The following TPD52 variants were observed in gnomAD, a reference collection of about 807,000 sequenced individuals.
The protein encoded by TPD52 is tumor protein D52, also known as prostate and colon associated protein.
In TPD52, 17 loss-of-function variants were observed where a neutral mutation model predicts 31.3. That is an observed-to-expected ratio of 0.54 (90% CI 0.37 to 0.82). The LOEUF (loss-of-function observed/expected upper bound fraction) is 0.82, where lower values mean the gene tolerates loss of function less well. Ranked by LOEUF, TPD52 falls within the 40% of genes least tolerant of loss-of-function variation. The pLI is 0.00. For synonymous variants in TPD52, 83 were observed against 89.6 expected (o/e 0.93, Z 0.42); for missense variants, 212 against 240.1 (o/e 0.88, Z 0.77).
At chr8:80,106,433 T>G (rs1022914621) in intron 1 of TPD52, among the ~76,000 whole-genome samples, 3 of 152,174 alleles carry the variant, frequency 2.0e-5, no homozygotes, top group Admixed American at 1.3e-4. Flanking sequence ...CTTGGCTCAC[T>G]GCAGGCTCCG....
chr8:80,054,631 A>G (rs2098899), intron 2 of TPD52, among the ~76,000 whole-genome samples: 86,367 of 151,986 alleles, frequency 0.57, 25,247 homozygotes, highest in East Asian at 0.7. Flanking sequence ...AAAATAACAT[A>G]GAGTATTGCT....
intron 1 of TPD52, among the ~76,000 whole-genome samples, chr8:80,156,003 A>G (rs918059331): frequency 6.6e-6 from 1 of 152,146 alleles, no homozygotes; most frequent in African/African-American, 2.4e-5. Context: ...GTTATCCAAT[A>G]CTGCATAACA....
intron 1 of TPD52, among the ~76,000 whole-genome samples, chr8:80,155,459 G>C (rs953168241): frequency 6.6e-6 from 1 of 152,166 alleles, no homozygotes; most frequent in African/African-American, 2.4e-5. Flanking sequence ...TGGGGTGTGA[G>C]TGCTGGATTT....
intron 1 of TPD52, among the ~76,000 whole-genome samples, chr8:80,106,514 A>G (rs940466916): frequency 7.9e-5 from 12 of 151,634 alleles, no homozygotes; most frequent in African/African-American, 2.9e-4. Flanking sequence ...ACGCCACCAC[A>G]CCCGGCTAAT....
intron 1 of TPD52, among the ~76,000 whole-genome samples, chr8:80,065,383 A>G (rs1013182204): frequency 1.3e-5 from 2 of 152,046 alleles, no homozygotes; most frequent in Admixed American, 1.3e-4. Flanking sequence ...ACAGCCACAC[A>G]GAGACATTCT....
intron 2 of TPD52, among the ~76,000 whole-genome samples, chr8:80,055,142 A>G (rs1471138049): frequency 6.6e-6 from 1 of 152,126 alleles, no homozygotes; most frequent in African/African-American, 2.4e-5. Context: ...CTAAGAATAG[A>G]CTTAAATGGT....
At chr8:80,055,930 T>C (rs1586173299) in intron 2 of TPD52, among the ~76,000 whole-genome samples, 1 of 152,214 alleles carries the variant, frequency 6.6e-6, no homozygotes, top group East Asian at 1.9e-4. Flanking sequence ...TCTTATACAC[T>C]GTTGCTGGGA....
intron 1 of TPD52, among the ~76,000 whole-genome samples, chr8:80,075,031 G>A (rs928450963): frequency 6.6e-6 from 1 of 152,056 alleles, no homozygotes; most frequent in African/African-American, 2.4e-5. Context: ...CCAGGCTGGA[G>A]TGCAGTGGCG....
chr8:80,075,538 G>C, intron 1 of TPD52, among the ~76,000 whole-genome samples: 1 of 152,068 alleles, frequency 6.6e-6, no homozygotes, highest in East Asian at 1.9e-4. Context: ...TGCTTTACTT[G>C]GTCCTTCCAG....
At chr8:80,042,841 A>C in intron 6 of TPD52, 173 bp from the exon 7 acceptor site, 1 of 528,244 alleles carries the variant, frequency 1.9e-6, no homozygotes, top group Non-Finnish European at 3.2e-6. Context: ...TAAGATTCTC[A>C]ATTTCTGATC....
chr8:80,073,732 A>G (rs1814197750), intron 1 of TPD52, among the ~76,000 whole-genome samples: 1 of 152,170 alleles, frequency 6.6e-6, no homozygotes, highest in South Asian at 2.1e-4. Flanking sequence ...TTTTTATTTT[A>G]TATATTGCAT....
intron 1 of TPD52, among the ~76,000 whole-genome samples, chr8:80,159,713 G>C (rs1811220767): frequency 6.6e-6 from 1 of 152,144 alleles, no homozygotes; most frequent in African/African-American, 2.4e-5. Flanking sequence ...AACAATAAAT[G>C]TTGTTGCTGG....
At chr8:80,110,998 G>A (rs980391604) in intron 1 of TPD52, among the ~76,000 whole-genome samples, 1 of 152,114 alleles carries the variant, frequency 6.6e-6, no homozygotes, top group Non-Finnish European at 1.5e-5. Context: ...TTGAGGCCAG[G>A]AGTTCAAGAT....
At chr8:80,051,167 T>G in intron 4 of TPD52, 1 of 274,066 alleles carries the variant, frequency 3.6e-6, no homozygotes, top group South Asian at 5.5e-5. Flanking sequence ...AATCGAAGCG[T>G]GCACTTCAGT....
At chr8:80,084,601 A>G (rs916660569) in intron 1 of TPD52, among the ~76,000 whole-genome samples, 2 of 152,226 alleles carry the variant, frequency 1.3e-5, no homozygotes, top group African/African-American at 4.8e-5. Context: ...TGGGCTTCCC[A>G]GTTATTAAAC....
rs116584418 is a variant in TPD52, at chr8:80,052,166, G to A, written c.285-538C>T. ...ATGTCTTTAGAGAGCTACCAAATACGGACATGATGGACTTTCAACAAAGTA... is the reference window on the plus strand; with the variant it reads ...ATGTCTTTAGAGAGCTACCAAATACAGACATGATGGACTTTCAACAAAGTA... On this transcript the variant is annotated intron_variant, in intron 3 of 7. Coordinates refer to ENST00000518937, the MANE Select transcript of TPD52 (RefSeq NM_001025253.3). Among the ~76,000 whole-genome samples the A allele has an allele frequency of 6.4e-3, 971 of 152,214 alleles. 5 individuals are homozygous for A. The highest frequency in any genetic ancestry group is 0.022 in the African/African-American group (930 of 41,526).
chr8:80,156,128 G>A (rs1240528361), intron 1 of TPD52, among the ~76,000 whole-genome samples: 1 of 152,100 alleles, frequency 6.6e-6, no homozygotes, highest in Admixed American at 6.5e-5. Context: ...GCCTCAGTTG[G>A]GGGGACTTGA....
rs148886662 is a variant in TPD52, at chr8:80,118,148, T to C, written c.19+53277A>G. Reference sequence around the variant, plus strand: ...TGGAATAGAATTCAGAGTTCGGAAATAGACATTCACAGTTAAGGTTAATTG... The same window carrying C: ...TGGAATAGAATTCAGAGTTCGGAAACAGACATTCACAGTTAAGGTTAATTG... On this transcript the variant is annotated intron_variant, in intron 1 of 7. Transcript: ENST00000518937. 9.2e-3 allele frequency among the ~76,000 whole-genome samples: 1,398 copies of C among 152,266 alleles called. 7 individuals carry two copies. Among genetic ancestry groups the C allele is most frequent in the Non-Finnish European group, 0.015 (1,031 of 68,018 alleles).
chr8:80,042,474 G>A (rs768499620), intron 7 of TPD52, 146 bp downstream of exon 7: 12 of 1,419,102 alleles, frequency 8.5e-6, no homozygotes, highest in Non-Finnish European at 1.1e-5. Context: ...CACCTTAAAT[G>A]TCCACTAGTA....
Sources: gnomAD v4.1 joint callset for allele counts (sites outside exome capture counted in the v4.1 genomes callset) on GRCh38, gnomAD v4.1.1 for gene constraint, MANE v1.5 for transcripts, NCBI Gene and HGNC (gene_info 2026-07-23, HGNC 2026-07-21) for gene names.